The following DGKI variants were observed in gnomAD, a reference collection of about 807,000 sequenced individuals.
DGKI encodes the protein diacylglycerol kinase iota.
DGKI carries 55 observed loss-of-function variants against 147.5 expected under a neutral mutation model. The observed-to-expected ratio is 0.37, with a 90% confidence interval of 0.30 to 0.47. DGKI has a LOEUF of 0.47. Ranked by LOEUF, DGKI falls within the 20% of genes least tolerant of loss-of-function variation. DGKI has a pLI of 1.00. For missense variants in DGKI, 1,007 were observed against 1,323.8 expected (o/e 0.76, Z 3.71); for synonymous variants, 469 against 477.1 (o/e 0.98, Z 0.22).
chr7:137,656,895 C>T (rs1422698958), intron 3 of DGKI, among the ~76,000 whole-genome samples: 1 of 152,150 alleles, frequency 6.6e-6, no homozygotes, highest in African/African-American at 2.4e-5. Flanking sequence ...TTATTCTCTT[C>T]CATTTTAAAA....
At chr7:137,420,950 C>T (rs746161174) in intron 28 of DGKI, among the ~76,000 whole-genome samples, 17 of 151,892 alleles carry the variant, frequency 1.1e-4, no homozygotes, top group African/African-American at 4.1e-4. Flanking sequence ...ACCCAGGAGG[C>T]GGAGGTTGCA....
At chr7:137,517,279 A>AAAGAAAGAAAG (rs1816788846) in intron 21 of DGKI, among the ~76,000 whole-genome samples, 1 of 79,744 alleles carries the variant, frequency 1.3e-5, no homozygotes, top group South Asian at 5.2e-4. Context: ...AAAGAAAAGA[A>AAAGAAAGAAAG]AAAGAAAGAA....
intron 3 of DGKI, among the ~76,000 whole-genome samples, chr7:137,672,026 T>C (rs562711434): frequency 6.6e-6 from 1 of 152,322 alleles, no homozygotes; most frequent in South Asian, 2.1e-4. Flanking sequence ...TTTTTCCTCT[T>C]ACACAACATA....
chr7:137,819,343 G>A (rs1012549875), intron 1 of DGKI, among the ~76,000 whole-genome samples: 8 of 145,846 alleles, frequency 5.5e-5, no homozygotes, highest in South Asian at 2.2e-4. Flanking sequence ...ACAGAGTCTC[G>A]CTCTGTCGCC....
chr7:137,571,886 A>G (rs376881819), intron 18 of DGKI, among the ~76,000 whole-genome samples: 2 of 152,208 alleles, frequency 1.3e-5, no homozygotes, highest in Admixed American at 6.5e-5. Context: ...AAGAAGGACA[A>G]GAGAGGAAGG....
intron 6 of DGKI, among the ~76,000 whole-genome samples, chr7:137,630,789 C>G (rs1305167283): frequency 6.6e-6 from 1 of 151,988 alleles, no homozygotes; most frequent in East Asian, 1.9e-4. Context: ...ATATATGAAC[C>G]TTTACCTGTT....
chr7:137,821,667 G>T (rs1199201853), intron 1 of DGKI, among the ~76,000 whole-genome samples: 13 of 150,902 alleles, frequency 8.6e-5, no homozygotes, highest in Admixed American at 8.6e-4. Flanking sequence ...AAAAAAGAAA[G>T]AAAGAAAAGA....
At chr7:137,455,958 T>A (rs1259281678) in intron 27 of DGKI, among the ~76,000 whole-genome samples, 3 of 152,170 alleles carry the variant, frequency 2.0e-5, no homozygotes. Flanking sequence ...ACACTTTAGA[T>A]CTGTTTAATC....
At position 137,638,516 on chromosome 7, in the gene DGKI, G is replaced by A. The variant is rs1464908982; in HGVS notation, c.804+6956C>T. On this transcript the variant is annotated intron_variant, in intron 6 of 32. Coordinates refer to ENST00000614521, the MANE Select transcript of DGKI (RefSeq NM_001321708.2). Reference sequence around the variant, plus strand: ...CACATATATATGTATATATATGTGTGTATATATATACACACACATATATGT... The same window carrying A: ...CACATATATATGTATATATATGTGTATATATATATACACACACATATATGT... Among the ~76,000 whole-genome samples the A allele has an allele frequency of 1.6e-4, 17 of 104,124 alleles. 2 individuals carry two copies. The highest frequency in any genetic ancestry group is 5.7e-4 in the African/African-American group (11 of 19,268). 68.3% of individuals were successfully genotyped at this position (104,124 alleles called of 152,430 possible).
At chr7:137,641,439 A>G (rs1237783254) in intron 6 of DGKI, among the ~76,000 whole-genome samples, 1 of 152,220 alleles carries the variant, frequency 6.6e-6, no homozygotes. Flanking sequence ...TTGAGTGCCA[A>G]CATGATGCCA....
intron 15 of DGKI, among the ~76,000 whole-genome samples, chr7:137,580,264 TATGAGATAAAAA>T (rs1169235110): frequency 2.6e-5 from 4 of 152,082 alleles, no homozygotes; most frequent in Non-Finnish European, 5.9e-5. Context: ...TGCTAAAGAA[TATGAGATAAAAA>T]ATGGGGTAAG....
chr7:137,554,040 A>C (rs903478338), intron 19 of DGKI, among the ~76,000 whole-genome samples: 22 of 152,192 alleles, frequency 1.4e-4, no homozygotes, highest in African/African-American at 5.3e-4. Context: ...CTCAGACTCA[A>C]AAATAAAACA....
At chr7:137,764,628 G>A (rs1331977390) in intron 1 of DGKI, among the ~76,000 whole-genome samples, 1 of 152,210 alleles carries the variant, frequency 6.6e-6, no homozygotes, top group Non-Finnish European at 1.5e-5. Context: ...CTCTTCGGCA[G>A]TATGGCCTTT....
intron 1 of DGKI, among the ~76,000 whole-genome samples, chr7:137,700,761 C>G (rs1823949990): frequency 6.6e-6 from 1 of 152,040 alleles, no homozygotes; most frequent in African/African-American, 2.4e-5. Context: ...GCCTATAATC[C>G]CAGCTACTTG....
At chr7:137,526,923 G>A (rs999669185) in intron 20 of DGKI, among the ~76,000 whole-genome samples, 9 of 152,140 alleles carry the variant, frequency 5.9e-5, no homozygotes, top group African/African-American at 2.2e-4. Flanking sequence ...TATGGATAAA[G>A]TGGATGGGCT....
At chr7:137,397,489 A>G in intron 30 of DGKI, 76 bp from the exon 31 acceptor site, 1 of 1,473,264 alleles carries the variant, frequency 6.8e-7, no homozygotes, top group Non-Finnish European at 9.4e-7. Context: ...CTATAGTCAC[A>G]GAATTAAAAT....
intron 1 of DGKI, among the ~76,000 whole-genome samples, chr7:137,801,397 T>C (rs1469122637): frequency 6.6e-6 from 1 of 152,226 alleles, no homozygotes; most frequent in African/African-American, 2.4e-5. Flanking sequence ...AACAACTGTG[T>C]CCTTTACATC....
chr7:137,789,997 A>G (rs1426966306), intron 1 of DGKI, among the ~76,000 whole-genome samples: 1 of 152,182 alleles, frequency 6.6e-6, no homozygotes, highest in Non-Finnish European at 1.5e-5. Flanking sequence ...ACTTCTTCAG[A>G]AAAGAACAAG....
intron 20 of DGKI, among the ~76,000 whole-genome samples, chr7:137,549,819 G>A (rs1817985513): frequency 6.6e-6 from 1 of 152,178 alleles, no homozygotes; most frequent in South Asian, 2.1e-4. Flanking sequence ...AAAATTGAAA[G>A]AAATATTTAA....
Sources: gnomAD v4.1 joint callset for allele counts (sites outside exome capture counted in the v4.1 genomes callset) on GRCh38, gnomAD v4.1.1 for gene constraint, MANE v1.5 for transcripts, NCBI Gene and HGNC (gene_info 2026-07-23, HGNC 2026-07-21) for gene names.